PPP4R4: variants seen among roughly 807,000 people sequenced by gnomAD.
PPP4R4 encodes serine/threonine-protein phosphatase 4 regulatory subunit 4.
PPP4R4 carries 70 observed loss-of-function variants against 121.8 expected under a neutral mutation model. The ratio of observed to expected loss-of-function variants is 0.57; its 90% CI spans 0.47 to 0.70. The LOEUF (loss-of-function observed/expected upper bound fraction) is 0.70, where lower values mean the gene tolerates loss of function less well. Among genes scored for constraint, PPP4R4 ranks in the 30% least tolerant of loss-of-function variants. PPP4R4 has a pLI of 0.00. For synonymous variants in PPP4R4, 348 were observed against 355.7 expected, an observed-to-expected ratio of 0.98 and a Z score of 0.24; for missense variants, 875 against 1,033.6, an observed-to-expected ratio of 0.85 and a Z score of 2.10.
At chr14:94,226,726 C>G (rs1891726202) in intron 3 of PPP4R4, among the ~76,000 whole-genome samples, 1 of 151,932 alleles carries the variant, frequency 6.6e-6, no homozygotes, top group South Asian at 2.1e-4. Context: ...TATAGAAGTC[C>G]CTATTATTTA....
chr14:94,224,096 T>G (rs944794110), intron 3 of PPP4R4, among the ~76,000 whole-genome samples: 1 of 152,096 alleles, frequency 6.6e-6, no homozygotes, highest in Non-Finnish European at 1.5e-5. Context: ...TAAGGGGAGA[T>G]AGGAAAGCAA....
intron 23 of PPP4R4, among the ~76,000 whole-genome samples, chr14:94,270,927 A>AC (rs973609473): frequency 2.2e-5 from 3 of 136,782 alleles, no homozygotes; most frequent in African/African-American, 8.8e-5. Flanking sequence ...CAAAAAAAAA[A>AC]ACAACAACAA....
chr14:94,203,920 T>G (rs1389259315), intron 2 of PPP4R4, among the ~76,000 whole-genome samples: 1 of 152,208 alleles, frequency 6.6e-6, no homozygotes, highest in Admixed American at 6.5e-5. Context: ...TGAGAGTTCT[T>G]TATATGGTCT....
chr14:94,234,530 C>A, intron 6 of PPP4R4, 32 bp from the exon 7 acceptor site: 1 of 1,287,994 alleles, frequency 7.8e-7, no homozygotes, highest in Non-Finnish European at 1.1e-6. Flanking sequence ...AACACTCATT[C>A]ATTTGCATGT....
intron 2 of PPP4R4, among the ~76,000 whole-genome samples, chr14:94,205,903 C>G (rs544439487): frequency 2.6e-5 from 4 of 151,776 alleles, no homozygotes; most frequent in Non-Finnish European, 5.9e-5. Context: ...TGTGGTCTGT[C>G]TTGATATATA....
intron 13 of PPP4R4, 30 bp from the exon 14 acceptor site, chr14:94,246,327 A>G (rs1461887160): frequency 1.6e-5 from 25 of 1,570,648 alleles, no homozygotes; most frequent in Non-Finnish European, 2.2e-5. Flanking sequence ...ATTTATTTAT[A>G]ATTGATTTTT....
intron 19 of PPP4R4, 152 bp from the exon 20 acceptor site, chr14:94,264,726 C>G (rs773629854): frequency 1.6e-6 from 1 of 634,112 alleles, no homozygotes; most frequent in East Asian, 2.9e-5. Flanking sequence ...CTGAAAGAAC[C>G]CTGAATTCTT....
At chr14:94,180,051 C>CT (rs1888891435) in intron 2 of PPP4R4, among the ~76,000 whole-genome samples, 1 of 152,184 alleles carries the variant, frequency 6.6e-6, no homozygotes, top group Non-Finnish European at 1.5e-5. Flanking sequence ...TCGAGCCCTG[C>CT]TTTTCATTTG....
chr14:94,259,528 T>C (rs1893659801), intron 19 of PPP4R4, among the ~76,000 whole-genome samples, 159 bp downstream of exon 19: 1 of 152,202 alleles, frequency 6.6e-6, no homozygotes, highest in African/African-American at 2.4e-5. Flanking sequence ...TTTTATGAAC[T>C]AGATAGAAAA....
intron 10 of PPP4R4, 53 bp downstream of exon 10, chr14:94,242,010 A>G (rs1167065332): frequency 1.4e-5 from 21 of 1,471,040 alleles, no homozygotes; most frequent in African/African-American, 2.9e-5. Context: ...ACTTTAAAAT[A>G]TGTGCATAGA....
intron 2 of PPP4R4, among the ~76,000 whole-genome samples, chr14:94,203,375 CT>C (rs995103258): frequency 3.7e-4 from 56 of 151,490 alleles, no homozygotes; most frequent in African/African-American, 1.0e-3. Context: ...ATAAATAGTT[CT>C]TTTTTTTTCC....
intron 2 of PPP4R4, among the ~76,000 whole-genome samples, chr14:94,183,308 C>A (rs1267289613): frequency 6.6e-6 from 1 of 152,162 alleles, no homozygotes; most frequent in Non-Finnish European, 1.5e-5. Context: ...GTACAAATGA[C>A]TTGCCTTTCT....
chr14:94,214,625 T>A (rs1455800966), intron 3 of PPP4R4, among the ~76,000 whole-genome samples: 2 of 152,136 alleles, frequency 1.3e-5, no homozygotes, highest in African/African-American at 4.8e-5. Flanking sequence ...TTTTTTAACA[T>A]CTTATTCTAG....
chr14:94,253,196 G>A (rs1034574440), intron 16 of PPP4R4, among the ~76,000 whole-genome samples: 2 of 152,198 alleles, frequency 1.3e-5, no homozygotes, highest in African/African-American at 4.8e-5. Flanking sequence ...CATGGCTCAT[G>A]CCTGTAAATC....
In PPP4R4 at chr14:94,261,891, C is replaced by T. The variant is rs76957563; in HGVS notation, c.2127+2522C>T. Among the ~76,000 whole-genome samples the T allele has an allele frequency of 1.1e-3, 166 of 151,952 alleles. 2 individuals carry two copies. The East Asian group carries it at 0.027, about 24-fold the overall frequency. On this transcript the variant is annotated intron_variant, in intron 19 of 24. Coordinates refer to ENST00000304338, the MANE Select transcript of PPP4R4 (RefSeq NM_058237.2). ...CCAATGTTGTCTTTTGGAGATAAAC[C>T]CTATTTGGCAATGGTTTATTGTCCT... is the stretch of plus-strand genomic sequence containing the variant.
At chr14:94,261,091 G>C (rs1893762424) in intron 19 of PPP4R4, among the ~76,000 whole-genome samples, 1 of 151,970 alleles carries the variant, frequency 6.6e-6, no homozygotes, top group African/African-American at 2.4e-5. Context: ...AGAAATAGTT[G>C]TACACATATG....
At chr14:94,261,455 A>G (rs1177815598) in intron 19 of PPP4R4, among the ~76,000 whole-genome samples, 1 of 152,012 alleles carries the variant, frequency 6.6e-6, no homozygotes, top group Admixed American at 6.5e-5. Context: ...TTTATTCTAA[A>G]AATTGTTTTT....
intron 2 of PPP4R4, among the ~76,000 whole-genome samples, chr14:94,206,781 T>G (rs1595472686): frequency 6.6e-6 from 1 of 152,160 alleles, no homozygotes; most frequent in East Asian, 1.9e-4. Flanking sequence ...TTTCAGTTCT[T>G]TAGCAGTGTA....
chr14:94,176,110 G>A lies in PPP4R4; in HGVS notation c.174G>A (p.Arg58=), dbSNP rs1888668708. ...ATGAAGACCTCAGTGATATTGAAAG[G>A]GCTGTTTATCTGCTCAGGTATTTCC... ...TVDEDLSDIE[R]AVYLLSAGQD... is the part of the protein sequence containing the mutation. The change falls in exon 2 of 25, where the codon AGG becomes AGA. Residue 58 remains arginine (R), a synonymous_variant. Coordinates refer to ENST00000304338, the MANE Select transcript of PPP4R4 (RefSeq NM_058237.2). The A allele has an allele frequency of 2.5e-6, 4 of 1,611,514 alleles. No individual in the cohort carries two copies. Among genetic ancestry groups the A allele is most frequent in the Non-Finnish European group, 3.4e-6 (4 of 1,177,618 alleles).
Sources: allele counts gnomAD v4.1 joint callset (sites outside exome capture counted in the v4.1 genomes callset), GRCh38; gene constraint gnomAD v4.1.1; transcripts MANE v1.5; gene names NCBI Gene and HGNC (gene_info 2026-07-23, HGNC 2026-07-21).